Variants in ARFGEF2 observed in about 807,000 individuals in gnomAD.
ARFGEF2 encodes the protein ARF guanine nucleotide exchange factor 2.
In ARFGEF2, 74 loss-of-function variants were observed where a neutral mutation model predicts 219.9. The observed-to-expected ratio is 0.34, with a 90% CI of 0.28 to 0.41. ARFGEF2 has a LOEUF of 0.41. Among genes scored for constraint, ARFGEF2 ranks in the 10% least tolerant of loss-of-function variants. The pLI is 1.00. For missense variants in ARFGEF2, 1,743 were observed against 2,218.3 expected, an observed-to-expected ratio of 0.79 and a Z score of 4.30; for synonymous variants, 733 against 799.2, an observed-to-expected ratio of 0.92 and a Z score of 1.40.
At chr20:48,961,402 C>T (rs1215308093) in intron 6 of ARFGEF2, among the ~76,000 whole-genome samples, 1 of 152,100 alleles carries the variant, frequency 6.6e-6, no homozygotes, top group East Asian at 1.9e-4. Context: ...CACTGTCTTC[C>T]ACCTCCACAT....
intron 1 of ARFGEF2, among the ~76,000 whole-genome samples, chr20:48,924,743 TG>T (rs1179063017): frequency 6.6e-6 from 1 of 152,186 alleles, no homozygotes; most frequent in Non-Finnish European, 1.5e-5. Context: ...CTGCAGGGAC[TG>T]TATAGTGTAG....
Position 49,017,482 on chromosome 20 carries a change from AT to A in ARFGEF2, c.4455-7del. ...TTCACATTGATTATTTTTTTTCTCT[AT>A]TTTTTTCTTCAGTTTGCTGACATGG... On this transcript the variant is annotated splice_polypyrimidine_tract_variant and intron_variant, in intron 32 of 38. Transcript: ENST00000371917. 12 of 1,612,764 alleles carry A rather than the reference AT, an allele frequency of 7.4e-6. No individual in the cohort carries two copies. Among genetic ancestry groups the A allele is most frequent in the South Asian group, 1.1e-5 (1 of 90,940 alleles).
Position 48,976,150 on chromosome 20 carries a change from T to C in ARFGEF2, c.1909T>C (p.Phe637Leu), listed in dbSNP as rs2091259795. 6.2e-7 allele frequency: 1 copy of C among 1,613,992 alleles called. No individual in the cohort carries two copies. The highest frequency in any genetic ancestry group is 8.5e-7 in the Non-Finnish European group (1 of 1,180,010). ...QTTVQDDPEQ[F>L]EVIKQQKEII... ...AACTGTTCAGGATGACCCTGAGCAA[T>C]TTGAGGTCATCAAGCAACAAAAAGA... The change falls in exon 14 of 39, where the codon TTT (phenylalanine) becomes CTT (leucine). Residue 637 changes from phenylalanine to leucine, a missense_variant. Phe to Leu is a conservative substitution (Grantham distance 22, BLOSUM62 0). This residue lies in a region of ARFGEF2 where 666 missense variants were observed against 955.4 expected (regional missense o/e 0.70). Coordinates refer to ENST00000371917, the MANE Select transcript of ARFGEF2 (RefSeq NM_006420.3).
chr20:49,006,411 CTG>C (rs771412544), intron 26 of ARFGEF2, among the ~76,000 whole-genome samples: 1 of 152,182 alleles, frequency 6.6e-6, no homozygotes, highest in African/African-American at 2.4e-5. Context: ...CTACTTTTCT[CTG>C]TGTTTTAAAC....
intron 2 of ARFGEF2, among the ~76,000 whole-genome samples, 153 bp downstream of exon 2, chr20:48,941,382 CTG>C (rs959745353): frequency 2.0e-5 from 3 of 152,262 alleles, no homozygotes; most frequent in East Asian, 1.9e-4. Flanking sequence ...CGGCACAACT[CTG>C]TGTATGTTTG....
chr20:49,025,834 T>G (rs1299634355), intron 36 of ARFGEF2, among the ~76,000 whole-genome samples: 1 of 151,518 alleles, frequency 6.6e-6, no homozygotes, highest in Non-Finnish European at 1.5e-5. Context: ...ATATAAAAAT[T>G]AGCCAGGTGT....
In ARFGEF2 at chr20:48,969,070, C is replaced by T. The variant is rs575178667; in HGVS notation, c.1060-77C>T. 9.2e-6 allele frequency: 14 copies of T among 1,516,796 alleles called. No homozygotes were observed. The South Asian group carries it at 1.4e-4, about 15-fold the overall frequency. The allele number at this position is 1,516,796 out of a possible 1,614,324, so 94.0% of individuals were successfully genotyped here. ...TGACCTCCTCGGCTCAGTGGATCCTCCTGCCTCAGCCTCTGGAGTAGCTGG... is the reference window on the plus strand; with the variant it reads ...TGACCTCCTCGGCTCAGTGGATCCTTCTGCCTCAGCCTCTGGAGTAGCTGG... On this transcript the variant is annotated intron_variant, in intron 8 of 38. Coordinates refer to ENST00000371917, the MANE Select transcript of ARFGEF2 (RefSeq NM_006420.3).
At chr20:48,923,457 A>G (rs1001410591) in intron 1 of ARFGEF2, among the ~76,000 whole-genome samples, 1 of 152,200 alleles carries the variant, frequency 6.6e-6, no homozygotes, top group African/African-American at 2.4e-5. Flanking sequence ...GGGGCCAACT[A>G]TTGATGCAGA....
chr20:49,005,737 C>CAAAAAAAAAAAA (rs56730863), intron 26 of ARFGEF2, among the ~76,000 whole-genome samples: 3 of 62,196 alleles, frequency 4.8e-5, no homozygotes, highest in South Asian at 5.5e-4. Flanking sequence ...GACTCCGTCT[C>CAAAAAAAAAAAA]AAAAAAAAAA....
intron 1 of ARFGEF2, among the ~76,000 whole-genome samples, chr20:48,932,630 G>T (rs532779943): frequency 6.6e-6 from 1 of 152,300 alleles, no homozygotes; most frequent in African/African-American, 2.4e-5. Flanking sequence ...CTGCTGATGG[G>T]ATCTACCCTG....
At chr20:49,022,036 T>C (rs1229741377) in intron 34 of ARFGEF2, among the ~76,000 whole-genome samples, 2 of 148,000 alleles carry the variant, frequency 1.4e-5, no homozygotes, top group Non-Finnish European at 3.0e-5. Context: ...TAATCCCAGC[T>C]ACCAGCTACT....
chr20:49,033,188 C>T lies in ARFGEF2; in HGVS notation c.5347C>T (p.Pro1783Ser), dbSNP rs762059419. ...ATCACAGGTACCAGCAGCACTGTCACCAGTGTGGTAGCCCTGGCTGCCCAG... is the reference window on the plus strand; with the variant it reads ...ATCACAGGTACCAGCAGCACTGTCATCAGTGTGGTAGCCCTGGCTGCCCAG... ...EPSQVPAALS[P>S]VW Residue 1783 changes from proline to serine, a missense_variant, in exon 39 of 39, where the codon CCA (proline) becomes TCA (serine). Transcript: ENST00000371917. 7 of 1,614,212 alleles carry T rather than the reference C, an allele frequency of 4.3e-6. No individual in the cohort carries two copies. The highest frequency in any genetic ancestry group is 5.9e-6 in the Non-Finnish European group (7 of 1,180,030).
chr20:48,929,694 G>A lies in ARFGEF2; in HGVS notation c.121+7684G>A, dbSNP rs1039591283. Among the ~76,000 whole-genome samples, 7 of 152,314 alleles carry A rather than the reference G, an allele frequency of 4.6e-5. No homozygotes were observed. The South Asian group carries it at 1.0e-3, about 23-fold the overall frequency. On this transcript the variant is annotated intron_variant, in intron 1 of 38. Transcript: ENST00000371917. The stretch of plus-strand genomic sequence containing the variant: ...ATGAGTGAGAATTAAGTAGTTGGGG[G>A]CAGGAGGCATTTCAGCAGAGGGAAC...
chr20:49,011,357 T>C (rs1165673724), intron 27 of ARFGEF2, among the ~76,000 whole-genome samples: 1 of 152,190 alleles, frequency 6.6e-6, no homozygotes, highest in Non-Finnish European at 1.5e-5. Flanking sequence ...ATGGCAACTT[T>C]ATAGAATGTA....
chr20:48,960,505 C>T (rs1369689255), intron 6 of ARFGEF2, among the ~76,000 whole-genome samples: 1 of 150,622 alleles, frequency 6.6e-6, no homozygotes, highest in African/African-American at 2.4e-5. Context: ...TTTTTTGAGA[C>T]CGAGTTTTGC....
rs750913216 is a variant in ARFGEF2, at chr20:48,989,280, T to C, written c.2534-5T>C. 7 of 1,614,072 alleles carry C rather than the reference T, an allele frequency of 4.3e-6. No homozygotes were observed. The Admixed American group carries it at 1.0e-4, about 23-fold the overall frequency. ...AGCCACACCTATCATGCTCTTACTT[T>C]ACAGATGTAGCTAGTGAAAAGCAGC... On this transcript the variant is annotated splice_region_variant and splice_polypyrimidine_tract_variant and intron_variant, in intron 18 of 38. Transcript: ENST00000371917.
intron 28 of ARFGEF2, among the ~76,000 whole-genome samples, chr20:49,013,339 A>G (rs868105937): frequency 2.7e-5 from 4 of 148,182 alleles, no homozygotes; most frequent in Non-Finnish European, 6.0e-5. Flanking sequence ...CCCCCCTTCA[A>G]CTTGTTCTAA....
intron 23 of ARFGEF2, among the ~76,000 whole-genome samples, chr20:48,996,307 T>G (rs2091386538): frequency 6.6e-6 from 1 of 150,884 alleles, no homozygotes; most frequent in Admixed American, 6.6e-5. Flanking sequence ...TACAAAAAAT[T>G]AGTCAGGCGT....
At chr20:48,977,434 C>T (rs2091268849) in intron 14 of ARFGEF2, among the ~76,000 whole-genome samples, 1 of 152,180 alleles carries the variant, frequency 6.6e-6, no homozygotes, top group South Asian at 2.1e-4. Context: ...CCGCAATAAA[C>T]ATACGTGTGC....
Sources: gnomAD v4.1 joint callset for allele counts (sites outside exome capture counted in the v4.1 genomes callset) on GRCh38, gnomAD v4.1.1 for gene constraint, gnomAD v4.1.1 regional missense constraint, MANE v1.5 for transcripts, NCBI Gene and HGNC (gene_info 2026-07-23, HGNC 2026-07-21) for gene names.